The following DPY19L2 variants were observed in gnomAD, a reference collection of about 807,000 sequenced individuals.
DPY19L2 encodes the protein probable C-mannosyltransferase DPY19L2.
In DPY19L2, 34 loss-of-function variants were observed where a neutral mutation model predicts 97.9. The ratio of observed to expected loss-of-function variants is 0.35; its 90% CI spans 0.26 to 0.46. DPY19L2 has a LOEUF of 0.46. Ranked by LOEUF, DPY19L2 falls within the 20% of genes least tolerant of loss-of-function variation. DPY19L2 has a pLI of 1.00. For synonymous variants in DPY19L2, 230 were observed against 307.9 expected, an observed-to-expected ratio of 0.75 and a Z score of 2.65; for missense variants, 623 against 911.4, an observed-to-expected ratio of 0.68 and a Z score of 4.07.
At chr12:63,595,289 T>C (rs1884017607) in intron 15 of DPY19L2, among the ~76,000 whole-genome samples, 1 of 152,160 alleles carries the variant, frequency 6.6e-6, no homozygotes, top group Non-Finnish European at 1.5e-5. Flanking sequence ...ACTTGATAGC[T>C]TGTAAATAAT....
intron 16 of DPY19L2, among the ~76,000 whole-genome samples, chr12:63,592,261 C>T (rs1883223010): frequency 1.3e-5 from 2 of 151,758 alleles, no homozygotes; most frequent in African/African-American, 4.8e-5. Context: ...CTACCAATGA[C>T]TTTCTTCACA....
chr12:63,581,316 C>A lies in DPY19L2; in HGVS notation c.1726-480G>T, dbSNP rs189107129. On this transcript the variant is annotated intron_variant, in intron 18 of 21. Coordinates refer to ENST00000324472, the MANE Select transcript of DPY19L2 (RefSeq NM_173812.5). ...GTAGAAGTACCTTAGGCCCAATATT[C>A]TAGCAATTTATCTAGTTCTTTTGTA... is the stretch of plus-strand genomic sequence containing the variant. Among the ~76,000 whole-genome samples the A allele has an allele frequency of 1.4e-4, 21 of 152,038 alleles. No individual in the cohort carries two copies. The East Asian group carries it at 4.1e-3, about 29-fold the overall frequency.
At chr12:63,641,050 G>A (rs1892615636) in intron 6 of DPY19L2, among the ~76,000 whole-genome samples, 1 of 151,886 alleles carries the variant, frequency 6.6e-6, no homozygotes, top group Admixed American at 6.6e-5. Flanking sequence ...CCGCCACCAC[G>A]CCCGGCTAAT....
Position 63,644,407 on chromosome 12 carries a change from G to T in DPY19L2, c.799C>A (p.Leu267Met). The stretch of plus-strand genomic sequence containing the variant: ...TTAATTCAGTAGTAGTCTTACCTCA[G>T]GTATGCTCCATACATGAAGAACAAT... ...MGLFFMYGAY[L>M]SGTQLGGLIT... Residue 267 changes from leucine to methionine, a missense_variant, in exon 6 of 22, where the codon CTG (leucine) becomes ATG (methionine). This residue lies in a region of DPY19L2 where 67 missense variants were observed against 88.0 expected (regional missense o/e 0.76). Coordinates refer to ENST00000324472, the MANE Select transcript of DPY19L2 (RefSeq NM_173812.5). The T allele has an allele frequency of 6.2e-7, 1 of 1,608,628 alleles. No individual in the cohort carries two copies. Among genetic ancestry groups the T allele is most frequent in the Non-Finnish European group, 8.5e-7 (1 of 1,178,092 alleles).
Position 63,647,373 on chromosome 12 carries a change from A to T in DPY19L2, c.589-8T>A, listed in dbSNP as rs749920137. ...CCAGGAGGCTATGATTACCTTAAAA[A>T]AGATAAAAACAAAGAGATAATTGAG... On this transcript the variant is annotated splice_region_variant and splice_polypyrimidine_tract_variant and intron_variant, in intron 4 of 21. Coordinates refer to ENST00000324472, the MANE Select transcript of DPY19L2 (RefSeq NM_173812.5). 53 of 1,520,030 alleles carry T rather than the reference A, an allele frequency of 3.5e-5. No homozygotes were observed. The highest frequency in any genetic ancestry group is 4.5e-5 in the Non-Finnish European group (50 of 1,122,972). The allele number at this position is 1,520,030 out of a possible 1,614,324, so 94.2% of individuals were successfully genotyped here.
intron 17 of DPY19L2, among the ~76,000 whole-genome samples, chr12:63,582,961 C>CA (rs1384542328): frequency 6.6e-6 from 1 of 151,878 alleles, no homozygotes; most frequent in East Asian, 1.9e-4. Flanking sequence ...ATCCCTGATC[C>CA]AAAAATCTGA....
At chr12:63,632,746 C>T (rs1017280730) in intron 6 of DPY19L2, among the ~76,000 whole-genome samples, 7 of 151,984 alleles carry the variant, frequency 4.6e-5, no homozygotes, top group Admixed American at 1.3e-4. Context: ...AAAAAGAGCC[C>T]GCATCGCCAA....
intron 21 of DPY19L2, among the ~76,000 whole-genome samples, chr12:63,561,909 A>G (rs1592351962): frequency 1.3e-5 from 2 of 152,178 alleles, no homozygotes; most frequent in African/African-American, 4.8e-5. Flanking sequence ...ATTTCCACCA[A>G]CAATGCATGA....
chr12:63,575,555 G>A (rs1186781470), intron 19 of DPY19L2, among the ~76,000 whole-genome samples: 4 of 151,764 alleles, frequency 2.6e-5, no homozygotes, highest in South Asian at 2.1e-4. Flanking sequence ...ACCTTTAGCC[G>A]GACTAAGAAA....
intron 6 of DPY19L2, among the ~76,000 whole-genome samples, chr12:63,636,503 C>G (rs1401155806): frequency 2.0e-5 from 3 of 152,028 alleles, no homozygotes; most frequent in Non-Finnish European, 4.4e-5. Context: ...AAGATCAAGA[C>G]CCATCATTGT....
At chr12:63,632,489 C>T (rs894751541) in intron 6 of DPY19L2, among the ~76,000 whole-genome samples, 1 of 152,088 alleles carries the variant, frequency 6.6e-6, no homozygotes, top group Non-Finnish European at 1.5e-5. Flanking sequence ...AATAAAGTAC[C>T]TAGGAATCCA....
chr12:63,627,174 G>A (rs1210584249), intron 6 of DPY19L2, among the ~76,000 whole-genome samples: 1 of 152,088 alleles, frequency 6.6e-6, no homozygotes, highest in African/African-American at 2.4e-5. Flanking sequence ...TTTTGAAATT[G>A]GATTTAAGGG....
intron 12 of DPY19L2, among the ~76,000 whole-genome samples, chr12:63,603,694 C>T (rs188308566): frequency 2.0e-5 from 3 of 152,268 alleles, no homozygotes; most frequent in Admixed American, 6.5e-5. Flanking sequence ...CTGTCAAGGA[C>T]ATGTTCTCAT....
chr12:63,605,228 C>T (rs1181802082), intron 12 of DPY19L2, among the ~76,000 whole-genome samples: 2 of 152,028 alleles, frequency 1.3e-5, no homozygotes, highest in African/African-American at 4.8e-5. Context: ...GCTAGGAGGT[C>T]GGTAAGGAGC....
Position 63,589,016 on chromosome 12 carries a change from A to G in DPY19L2, c.1580+5071T>C, listed in dbSNP as rs534506396. 7.2e-5 allele frequency among the ~76,000 whole-genome samples: 11 copies of G among 151,976 alleles called. No individual in the cohort carries two copies. The East Asian group carries it at 1.2e-3, about 16-fold the overall frequency. ...GATCCGCCCACCTTGGCCTCCCAAA[A>G]TGCTGGTATTACAGGCGTGAGCCAC... On this transcript the variant is annotated intron_variant, in intron 16 of 21. Transcript: ENST00000324472.
At chr12:63,652,682 T>G (rs1040317861) in intron 4 of DPY19L2, among the ~76,000 whole-genome samples, 1 of 152,104 alleles carries the variant, frequency 6.6e-6, no homozygotes, top group African/African-American at 2.4e-5. Context: ...AACGGAAAAC[T>G]AAATACTCTG....
At chr12:63,645,764 CT>C in intron 5 of DPY19L2, among the ~76,000 whole-genome samples, 1 of 152,282 alleles carries the variant, frequency 6.6e-6, no homozygotes, top group Middle Eastern at 3.4e-3. Context: ...TCCACATTAT[CT>C]TTCCTGCAAT....
At chr12:63,562,822 A>C (rs542197594) in intron 21 of DPY19L2, among the ~76,000 whole-genome samples, 1 of 147,826 alleles carries the variant, frequency 6.8e-6, no homozygotes, top group East Asian at 2.0e-4. Flanking sequence ...TTCTGAGACA[A>C]GGTCTTGCTC....
intron 4 of DPY19L2, among the ~76,000 whole-genome samples, chr12:63,653,355 T>C (rs1894531927): frequency 6.6e-6 from 1 of 150,890 alleles, no homozygotes; most frequent in South Asian, 2.1e-4. Context: ...AGCCCAGGAG[T>C]TTGAGACCAG....
Sources: allele counts gnomAD v4.1 joint callset (sites outside exome capture counted in the v4.1 genomes callset), GRCh38; gene constraint gnomAD v4.1.1; regional missense constraint gnomAD v4.1.1; transcripts MANE v1.5; gene names NCBI Gene and HGNC (gene_info 2026-07-23, HGNC 2026-07-21).